B3GALT5: variants seen among roughly 807,000 people sequenced by gnomAD.
B3GALT5 encodes UDP-Gal:betaGlcNAc beta 1,3-galactosyltransferase, polypeptide 5.
For synonymous variants in B3GALT5, 156 were observed against 158.6 expected, an observed-to-expected ratio of 0.98 and a Z score of 0.12; for missense variants, 328 against 396.6, an observed-to-expected ratio of 0.83 and a Z score of 1.47.
intron 1 of B3GALT5, among the ~76,000 whole-genome samples, chr21:39,643,425 A>G (rs2079308370): frequency 6.6e-6 from 1 of 151,948 alleles, no homozygotes; most frequent in Admixed American, 6.5e-5. Flanking sequence ...CTCAAAAAAA[A>G]AAAAAAAAGA....
Position 39,672,103 on chromosome 21 carries a change from A to T in B3GALT5, c.*10611A>T, listed in dbSNP as rs2079633404. On this transcript the variant is annotated 3_prime_UTR_variant, in exon 4 of 4. Coordinates refer to ENST00000684187, the MANE Select transcript of B3GALT5 (RefSeq NM_001356336.2). ...TGTGTCATACTGCTTTACATCATCT[A>T]TTCTACCTCCATTCACTGGTCAAAG... is the stretch of plus-strand genomic sequence containing the variant. 1 of 152,258 alleles carries T rather than the reference A, an allele frequency of 6.6e-6. No homozygotes were observed. Among genetic ancestry groups the T allele is most frequent in the South Asian group, 2.1e-4 (1 of 4,834 alleles). 9.4% of individuals were successfully genotyped at this position (152,258 alleles called of 1,614,324 possible). A position where few individuals can be genotyped will look rare whatever the true frequency, so the allele number is the denominator to read the frequency against.
chr21:39,650,140 T>C (rs2079381370), intron 2 of B3GALT5, among the ~76,000 whole-genome samples: 1 of 152,162 alleles, frequency 6.6e-6, no homozygotes, highest in African/African-American at 2.4e-5. Flanking sequence ...GGGCCTGGGA[T>C]GAAGGTGCAG....
At chr21:39,637,572 T>G (rs1299223460) in intron 1 of B3GALT5, among the ~76,000 whole-genome samples, 1 of 152,234 alleles carries the variant, frequency 6.6e-6, no homozygotes, top group Non-Finnish European at 1.5e-5. Context: ...TGTGTCCCAG[T>G]GTCCTTGATG....
chr21:39,618,007 AC>A (rs34279839), intron 1 of B3GALT5, among the ~76,000 whole-genome samples: 44,847 of 151,630 alleles, frequency 0.3, 7,008 homozygotes, highest in African/African-American at 0.4. Context: ...ATAAAAAATT[AC>A]CCCAAGCGTG....
Position 39,661,635 on chromosome 21 carries a change from C to T in B3GALT5, c.*143C>T, listed in dbSNP as rs1348725211. 1.3e-6 allele frequency: 1 copy of T among 789,254 alleles called. No individual in the cohort carries two copies. The highest frequency in any genetic ancestry group is 1.7e-5 in the African/African-American group (1 of 57,516). 48.9% of individuals were successfully genotyped at this position (789,254 alleles called of 1,614,324 possible). A position where few individuals can be genotyped will look rare whatever the true frequency, so the allele number is the denominator to read the frequency against. On this transcript the variant is annotated 3_prime_UTR_variant, in exon 4 of 4. Transcript: ENST00000684187. This position sits in a 1 kb window ranked among gnomAD's most constrained non-coding sequence, Gnocchi z 4.7. Reference sequence around the variant, plus strand: ...CAGAATGTCGGTGTTCATGAAGTCACTGATTAGTTCCCACTTGGTGCCCCA... The same window carrying T: ...CAGAATGTCGGTGTTCATGAAGTCATTGATTAGTTCCCACTTGGTGCCCCA...
intron 1 of B3GALT5, among the ~76,000 whole-genome samples, chr21:39,631,101 T>G (rs1173611651): frequency 1.3e-5 from 2 of 152,232 alleles, no homozygotes; most frequent in African/African-American, 2.4e-5. Flanking sequence ...GTATTAGCTG[T>G]GTTAAGTAAT....
At chr21:39,614,363 T>C (rs908331766) in intron 1 of B3GALT5, among the ~76,000 whole-genome samples, 2 of 152,192 alleles carry the variant, frequency 1.3e-5, no homozygotes, top group African/African-American at 2.4e-5. Context: ...ATAATAAAAA[T>C]CTGACGTGTT....
intron 1 of B3GALT5, among the ~76,000 whole-genome samples, chr21:39,613,866 G>T (rs2079093724): frequency 6.6e-6 from 1 of 152,222 alleles, no homozygotes; most frequent in Admixed American, 6.5e-5. Flanking sequence ...ATTTTTCACT[G>T]GTCCTTTATG....
At position 39,636,006 on chromosome 21, in the gene B3GALT5, G is replaced by C. The variant is rs370942883; in HGVS notation, c.-391-10386G>C. ...TTCTCTTGTCCCAGCAACTAAGATA[G>C]GACATTTTATGTTGTGGAACTGACA... On this transcript the variant is annotated intron_variant, in intron 1 of 3. Transcript: ENST00000684187. Among the ~76,000 whole-genome samples the C allele has an allele frequency of 3.3e-5, 5 of 152,202 alleles. No homozygotes were observed. The East Asian group carries it at 9.6e-4, about 29-fold the overall frequency.
chr21:39,621,191 A>G (rs2079132437), intron 1 of B3GALT5, among the ~76,000 whole-genome samples: 1 of 152,196 alleles, frequency 6.6e-6, no homozygotes, highest in African/African-American at 2.4e-5. Flanking sequence ...TCTATTTTAG[A>G]TATTTGATGG....
intron 2 of B3GALT5, among the ~76,000 whole-genome samples, chr21:39,655,547 C>T (rs1215535322): frequency 6.6e-6 from 1 of 152,174 alleles, no homozygotes; most frequent in Non-Finnish European, 1.5e-5. Context: ...TTGCTCACTT[C>T]AGCTCACTTG....
intron 1 of B3GALT5, among the ~76,000 whole-genome samples, chr21:39,626,170 A>G (rs2079162792): frequency 6.6e-6 from 1 of 152,020 alleles, no homozygotes; most frequent in Non-Finnish European, 1.5e-5. Context: ...TGTAAGTGAA[A>G]CCATACAGTA....
intron 3 of B3GALT5, 122 bp downstream of exon 3, chr21:39,660,034 T>TAA: frequency 1.9e-6 from 1 of 517,376 alleles, no homozygotes; most frequent in African/African-American, 2.1e-5. Flanking sequence ...AAAAGTAACT[T>TAA]AAAAAAAAAT....
At chr21:39,655,581 A>G (rs1382615867) in intron 2 of B3GALT5, among the ~76,000 whole-genome samples, 1 of 152,104 alleles carries the variant, frequency 6.6e-6, no homozygotes, top group South Asian at 2.1e-4. Context: ...GCTTGAGGCC[A>G]GGGGTAGGTC....
chr21:39,659,265 A>G (rs1602304699), intron 2 of B3GALT5, among the ~76,000 whole-genome samples: 1 of 152,288 alleles, frequency 6.6e-6, no homozygotes, highest in Middle Eastern at 3.4e-3. Flanking sequence ...ATTAAAATTA[A>G]AAAGCCCAAA....
intron 1 of B3GALT5, among the ~76,000 whole-genome samples, chr21:39,615,482 C>T: frequency 6.6e-6 from 1 of 152,168 alleles, no homozygotes; most frequent in East Asian, 1.9e-4. Context: ...AACATCATCC[C>T]CACATCCTTA....
chr21:39,623,445 A>G (rs2079148439), intron 1 of B3GALT5, among the ~76,000 whole-genome samples: 1 of 152,116 alleles, frequency 6.6e-6, no homozygotes, highest in Admixed American at 6.6e-5. Flanking sequence ...TGACATACAC[A>G]TGAGTTTATG....
At position 39,672,136 on chromosome 21, in the gene B3GALT5, G is replaced by A. The variant is rs1401130120; in HGVS notation, c.*10644G>A. 6.6e-6 allele frequency: 1 copy of A among 152,228 alleles called. No individual in the cohort carries two copies. The highest frequency in any genetic ancestry group is 1.5e-5 in the Non-Finnish European group (1 of 68,046). The allele number at this position is 152,228 out of a possible 1,614,324, so 9.4% of individuals were successfully genotyped here. On this transcript the variant is annotated 3_prime_UTR_variant, in exon 4 of 4. Transcript: ENST00000684187. The stretch of plus-strand genomic sequence containing the variant: ...TCCATTCACTGGTCAAAGAAGCGCA[G>A]AGTTAAGTTGGCCAGTGTGGCGTGG...
In B3GALT5 at chr21:39,626,282, A is replaced by G. The variant is rs1186993653; in HGVS notation, c.-392+13215A>G. On this transcript the variant is annotated intron_variant, in intron 1 of 3. Transcript: ENST00000684187. The stretch of plus-strand genomic sequence containing the variant: ...TCCTTGCTTTTTAGGGCAGAATAGT[A>G]TTTCACTGTGTGTATATATATAGCA... 2.0e-5 allele frequency among the ~76,000 whole-genome samples: 3 copies of G among 152,206 alleles called. No individual in the cohort carries two copies. The East Asian group carries it at 5.8e-4, about 29-fold the overall frequency.
Sources: allele counts gnomAD v4.1 joint callset (sites outside exome capture counted in the v4.1 genomes callset), GRCh38; gene constraint gnomAD v4.1.1; non-coding constraint Gnocchi (gnomAD v3.1); transcripts MANE v1.5; gene names NCBI Gene and HGNC (gene_info 2026-07-23, HGNC 2026-07-21).